The following NUP205 variants were observed in gnomAD, a reference collection of about 807,000 sequenced individuals.
NUP205 encodes nuclear pore complex protein Nup205.
NUP205 carries 76 observed loss-of-function variants against 253.8 expected under a neutral mutation model. The ratio of observed to expected loss-of-function variants is 0.30; its 90% CI spans 0.25 to 0.36. The LOEUF (loss-of-function observed/expected upper bound fraction) is 0.36. Among genes scored for constraint, NUP205 ranks in the 10% least tolerant of loss-of-function variants. NUP205 has a pLI of 1.00. For synonymous variants in NUP205, 832 were observed against 850.1 expected (o/e 0.98, Z 0.37); for missense variants, 2,162 against 2,425.5 (o/e 0.89, Z 2.28).
chr7:135,614,754 C>G (rs1794317934), intron 23 of NUP205, among the ~76,000 whole-genome samples: 1 of 152,162 alleles, frequency 6.6e-6, no homozygotes, highest in Non-Finnish European at 1.5e-5. Context: ...AACAATTATT[C>G]CAGGCTAATG....
rs1227254381 is a variant in NUP205, at chr7:135,626,268, A to G, written c.4700A>G (p.Gln1567Arg). 1.2e-6 allele frequency: 2 copies of G among 1,614,168 alleles called. No individual in the cohort carries two copies. The highest frequency in any genetic ancestry group is 3.3e-5 in the Admixed American group (2 of 60,020). The change falls in exon 33 of 43, where the codon CAG (glutamine) becomes CGG (arginine). Residue 1567 changes from glutamine to arginine, a missense_variant. Gln to Arg is a conservative substitution (Grantham distance 43). This residue lies in a region of NUP205 where 1,144 missense variants were observed against 1,280.9 expected (regional missense o/e 0.89). Coordinates refer to ENST00000285968, the MANE Select transcript of NUP205 (RefSeq NM_015135.3). Reference protein sequence around the residue: ...MAFLTRVAKIQQGALELLRSG... With the variant: ...MAFLTRVAKIRQGALELLRSG... ...TTTCTCACAAGAGTGGCAAAGATACAGCAGGGTGCATTAGAGCTGCTAAGA... is the reference window on the plus strand; with the variant it reads ...TTTCTCACAAGAGTGGCAAAGATACGGCAGGGTGCATTAGAGCTGCTAAGA...
intron 25 of NUP205, 109 bp from the exon 26 acceptor site, chr7:135,616,976 CTATTT>C: frequency 1.3e-6 from 1 of 757,408 alleles, no homozygotes; most frequent in East Asian, 2.8e-5. Flanking sequence ...AGTTTCTTGA[CTATTT>C]TATGCTCTTT....
In NUP205 at chr7:135,576,344, C is replaced by T. The variant is rs886205234; in HGVS notation, c.418C>T (p.Arg140Ter). The change falls in exon 4 of 43, where the codon CGA (arginine) becomes TGA (stop). Residue 140 changes from arginine (R) to a stop codon, truncating the protein, a stop_gained. Transcript: ENST00000285968. LOFTEE classifies it high-confidence loss of function. ...VAVLLYWDGK[R>*]CIANSLKALI... ...TGTTCTTCTGTACTGGGATGGAAAG[C>T]GATGCATTGCGAATTCCTTGAAAGC... 6.2e-7 allele frequency: 1 copy of T among 1,613,468 alleles called. No individual in the cohort carries two copies. Among genetic ancestry groups the T allele is most frequent in the Non-Finnish European group, 8.5e-7 (1 of 1,179,524 alleles).
intron 34 of NUP205, among the ~76,000 whole-genome samples, chr7:135,628,645 C>T (rs948391670): frequency 2.0e-5 from 3 of 152,106 alleles, no homozygotes; most frequent in Non-Finnish European, 4.4e-5. Context: ...ACTAACATTC[C>T]AACACACATT....
At chr7:135,633,164 T>C (rs1039473694) in intron 35 of NUP205, among the ~76,000 whole-genome samples, 1 of 152,106 alleles carries the variant, frequency 6.6e-6, no homozygotes, top group Non-Finnish European at 1.5e-5. Context: ...AGGGTCTTGC[T>C]ATGTTGCCCA....
At chr7:135,644,814 T>C (rs1412697275) in intron 39 of NUP205, 81 bp from the exon 40 acceptor site, 1 of 1,321,112 alleles carries the variant, frequency 7.6e-7, no homozygotes, top group Non-Finnish European at 1.1e-6. Context: ...GCATTTATCA[T>C]GGTGACCTGC....
At chr7:135,615,315 C>G (rs1419830638) in intron 23 of NUP205, among the ~76,000 whole-genome samples, 1 of 152,044 alleles carries the variant, frequency 6.6e-6, no homozygotes, top group Admixed American at 6.6e-5. Flanking sequence ...AATCCCAGTG[C>G]TTAGGTAGGC....
chr7:135,602,867 A>G lies in NUP205; in HGVS notation c.2575A>G (p.Lys859Glu). Residue 859 changes from lysine to glutamate, a missense_variant, in exon 18 of 43, where the codon AAG becomes GAG. Coordinates refer to ENST00000285968, the MANE Select transcript of NUP205 (RefSeq NM_015135.3). ...TGCACTTCTCAATCTTACTCTGCAA[A>G]AGGAAAATCTTTTTATGGACCTTCT... ...CLALLNLTLQ[K>E]ENLFMDLLRE... 1.9e-6 allele frequency: 3 copies of G among 1,614,044 alleles called. No homozygotes were observed. The highest frequency in any genetic ancestry group is 2.5e-6 in the Non-Finnish European group (3 of 1,179,946).
At chr7:135,564,696 C>T (rs549224152) in intron 1 of NUP205, among the ~76,000 whole-genome samples, 2 of 149,860 alleles carry the variant, frequency 1.3e-5, no homozygotes, top group Non-Finnish European at 3.0e-5. Context: ...CTTGCCTGGC[C>T]CTTTGATGCT....
Position 135,637,903 on chromosome 7 carries a change from A to G in NUP205, c.5137-28A>G, listed in dbSNP as rs201833885. 1.2e-4 allele frequency: 190 copies of G among 1,589,938 alleles called. 1 individual carries two copies. The highest frequency in any genetic ancestry group is 1.7e-4 in the Middle Eastern group (1 of 5,954). ...AAGAGAGGTTACTAATTTTAAATACATTTAACAAGATATCTTTTTCTTGTT... is the reference window on the plus strand; with the variant it reads ...AAGAGAGGTTACTAATTTTAAATACGTTTAACAAGATATCTTTTTCTTGTT... On this transcript the variant is annotated intron_variant, in intron 36 of 42. Transcript: ENST00000285968.
intron 1 of NUP205, among the ~76,000 whole-genome samples, chr7:135,569,157 G>A (rs1161148669): frequency 6.6e-6 from 1 of 152,086 alleles, no homozygotes; most frequent in Non-Finnish European, 1.5e-5. Flanking sequence ...TCCAACCTCC[G>A]CCTCCTGGGT....
chr7:135,584,035 G>A (rs2129490033), intron 7 of NUP205, among the ~76,000 whole-genome samples: 1 of 151,570 alleles, frequency 6.6e-6, no homozygotes, highest in South Asian at 2.1e-4. Flanking sequence ...TAGAGATGAG[G>A]TTTCTCCATA....
At chr7:135,564,944 T>A (rs563078587) in intron 1 of NUP205, among the ~76,000 whole-genome samples, 30 of 152,064 alleles carry the variant, frequency 2.0e-4, no homozygotes, top group African/African-American at 6.7e-4. Flanking sequence ...TTTTTAAAAA[T>A]TTTTTGTAGA....
At chr7:135,591,806 A>T (rs926917441) in intron 11 of NUP205, among the ~76,000 whole-genome samples, 2 of 152,210 alleles carry the variant, frequency 1.3e-5, no homozygotes, top group Non-Finnish European at 2.9e-5. Context: ...GAGTTTTGTC[A>T]TTCTCCTTTA....
At chr7:135,559,335 A>G (rs1361093530) in intron 1 of NUP205, among the ~76,000 whole-genome samples, 1 of 152,178 alleles carries the variant, frequency 6.6e-6, no homozygotes. Context: ...GTGTGGTTGT[A>G]TATAATACAT....
chr7:135,608,834 C>T (rs1794153769), intron 22 of NUP205, among the ~76,000 whole-genome samples: 1 of 152,084 alleles, frequency 6.6e-6, no homozygotes, highest in Non-Finnish European at 1.5e-5. Context: ...CGTGCAGTGA[C>T]TCACGCCTTT....
intron 38 of NUP205, 39 bp downstream of exon 38, chr7:135,638,722 T>A: frequency 9.3e-6 from 15 of 1,612,542 alleles, no homozygotes; most frequent in Non-Finnish European, 1.3e-5. Flanking sequence ...AGGAACTAAG[T>A]TGCTATGGTT....
intron 13 of NUP205, among the ~76,000 whole-genome samples, chr7:135,595,633 T>G (rs1424536330): frequency 6.6e-6 from 1 of 152,216 alleles, no homozygotes; most frequent in East Asian, 1.9e-4. Context: ...GACAGTTGGA[T>G]TTTTTGACTT....
chr7:135,598,119 C>G lies in NUP205; in HGVS notation c.2186C>G (p.Pro729Arg). ...TCTAATTTGGGTGCTGGACTGCGGC[C>G]CCCTGGCTTTGACCCTTATTTGCAG... ...FPSNLGAGLR[P>R]PGFDPYLQFL... Residue 729 changes from proline to arginine, a missense_variant, in exon 15 of 43, where the codon CCC becomes CGC. By Grantham distance (103) the Pro-to-Arg change is moderately radical. Transcript: ENST00000285968. The G allele has an allele frequency of 6.2e-7, 1 of 1,614,086 alleles. No individual in the cohort carries two copies. Among genetic ancestry groups the G allele is most frequent in the Non-Finnish European group, 8.5e-7 (1 of 1,180,006 alleles).
Sources: allele counts gnomAD v4.1 joint callset (sites outside exome capture counted in the v4.1 genomes callset), GRCh38; gene constraint gnomAD v4.1.1; regional missense constraint gnomAD v4.1.1; transcripts MANE v1.5; gene names NCBI Gene and HGNC (gene_info 2026-07-23, HGNC 2026-07-21).